The following FOXN2 variants were observed in gnomAD, a reference collection of about 807,000 sequenced individuals.
FOXN2 encodes forkhead box N2.
In FOXN2, 19 loss-of-function variants were observed where a neutral mutation model predicts 41.2. The ratio of observed to expected loss-of-function variants is 0.46; its 90% CI spans 0.32 to 0.68. FOXN2 has a LOEUF of 0.68. Ranked by LOEUF, FOXN2 falls within the 30% of genes least tolerant of loss-of-function variation. FOXN2 has a pLI of 0.03. For missense variants in FOXN2, 587 were observed against 509.4 expected, an observed-to-expected ratio of 1.15 and a Z score of -1.47; for synonymous variants, 195 against 176.8, an observed-to-expected ratio of 1.10 and a Z score of -0.82.
intron 2 of FOXN2, among the ~76,000 whole-genome samples, chr2:48,341,214 A>G (rs1280820387): frequency 6.6e-6 from 1 of 152,144 alleles, no homozygotes; most frequent in Non-Finnish European, 1.5e-5. Context: ...TTATGAAGCA[A>G]ACTGACCATG....
intron 1 of FOXN2, among the ~76,000 whole-genome samples, chr2:48,324,904 G>A (rs1228732599): frequency 6.6e-6 from 1 of 152,216 alleles, no homozygotes; most frequent in Non-Finnish European, 1.5e-5. Flanking sequence ...GAATTATGTG[G>A]AGGAGTTGTC....
chr2:48,375,193 G>GT lies in FOXN2; in HGVS notation c.1047dup (p.Glu350Ter). On this transcript the variant is annotated frameshift_variant, in exon 7 of 7. Transcript: ENST00000340553. LOFTEE classifies it high-confidence loss of function. ...AGTGATGGCAGTGAAGGATTTCACA[G>GT]TGAAGAAGATACAGACGTTGATTAT... 1 of 1,614,172 alleles carries GT rather than the reference G, an allele frequency of 6.2e-7. No individual in the cohort carries two copies. Among genetic ancestry groups the GT allele is most frequent in the Non-Finnish European group, 8.5e-7 (1 of 1,180,020 alleles).
intron 3 of FOXN2, among the ~76,000 whole-genome samples, chr2:48,347,368 C>T (rs1039298218): frequency 2.6e-5 from 4 of 151,688 alleles, no homozygotes; most frequent in African/African-American, 4.8e-5. Flanking sequence ...GCTGGGACTA[C>T]AGGTGTGTGC....
Position 48,375,013 on chromosome 2 carries a change from G to A in FOXN2, c.866G>A (p.Ser289Asn). Residue 289 changes from serine (S) to asparagine (N), a missense_variant, in exon 7 of 7, where the codon AGT (serine) becomes AAT (asparagine). Coordinates refer to ENST00000340553, the MANE Select transcript of FOXN2 (RefSeq NM_002158.4). Reference protein sequence around the residue: ...HHPSAVRLQESDSLATSIDPK... With the variant: ...HHPSAVRLQENDSLATSIDPK... ...CCCAGTGCTGTACGATTACAAGAGA[G>A]TGATTCTTTAGCCACCAGCATTGAT... The A allele has an allele frequency of 1.2e-6, 2 of 1,614,050 alleles. No individual in the cohort carries two copies. Among genetic ancestry groups the A allele is most frequent in the Non-Finnish European group, 1.7e-6 (2 of 1,179,972 alleles).
intron 3 of FOXN2, among the ~76,000 whole-genome samples, chr2:48,356,238 C>T (rs995050584): frequency 5.9e-5 from 9 of 152,176 alleles, no homozygotes; most frequent in Non-Finnish European, 1.2e-4. Flanking sequence ...GTCAGGAGTT[C>T]GAGATCAGGC....
chr2:48,328,773 C>G (rs1189975049), intron 2 of FOXN2, 71 bp downstream of exon 2: 3 of 151,424 alleles, frequency 2.0e-5, no homozygotes, highest in Non-Finnish European at 2.9e-5. Context: ...TTTTTTTCTG[C>G]TTTTAACAGT....
intron 3 of FOXN2, among the ~76,000 whole-genome samples, chr2:48,349,716 G>A (rs896471321): frequency 2.6e-5 from 4 of 152,154 alleles, no homozygotes; most frequent in African/African-American, 7.2e-5. Flanking sequence ...AGCCTAGATC[G>A]TGCCATTGCA....
intron 6 of FOXN2, among the ~76,000 whole-genome samples, chr2:48,374,520 A>G (rs566881203): frequency 3.3e-5 from 5 of 152,254 alleles, no homozygotes; most frequent in African/African-American, 1.2e-4. Flanking sequence ...CAATTTTTTC[A>G]TATCTCTTTT....
intron 2 of FOXN2, among the ~76,000 whole-genome samples, chr2:48,344,989 G>A (rs764476693): frequency 6.6e-5 from 10 of 152,136 alleles, no homozygotes; most frequent in South Asian, 4.2e-4. Flanking sequence ...TTCTTCTCTG[G>A]TCTGTTATTG....
At chr2:48,345,195 A>T (rs1282165685) in intron 2 of FOXN2, among the ~76,000 whole-genome samples, 1 of 152,170 alleles carries the variant, frequency 6.6e-6, no homozygotes, top group Non-Finnish European at 1.5e-5. Context: ...CAGAGTTTAA[A>T]AGTACTGGGA....
At chr2:48,369,177 C>G (rs1181763846) in intron 5 of FOXN2, among the ~76,000 whole-genome samples, 1 of 152,132 alleles carries the variant, frequency 6.6e-6, no homozygotes, top group East Asian at 1.9e-4. Flanking sequence ...CAGGATAAGC[C>G]TCTTACCAGT....
intron 3 of FOXN2, among the ~76,000 whole-genome samples, chr2:48,356,695 C>G (rs1362890972): frequency 6.6e-6 from 1 of 152,192 alleles, no homozygotes; most frequent in Admixed American, 6.5e-5. Flanking sequence ...GTGAGCAACT[C>G]TATTAAAATA....
At chr2:48,361,240 G>A (rs1012329554) in intron 4 of FOXN2, among the ~76,000 whole-genome samples, 46 of 152,116 alleles carry the variant, frequency 3.0e-4, no homozygotes, top group Admixed American at 3.0e-3. Flanking sequence ...GCCGAGGCCA[G>A]TGGATCACCT....
At chr2:48,334,869 C>A (rs1314536801) in intron 2 of FOXN2, among the ~76,000 whole-genome samples, 2 of 152,130 alleles carry the variant, frequency 1.3e-5, no homozygotes, top group Non-Finnish European at 2.9e-5. Flanking sequence ...GAGAAATTTT[C>A]TTCTAGAATA....
intron 4 of FOXN2, among the ~76,000 whole-genome samples, chr2:48,359,756 A>G (rs1672053310): frequency 6.6e-6 from 1 of 152,188 alleles, no homozygotes; most frequent in African/African-American, 2.4e-5. Context: ...AATACTGAGT[A>G]TAAGTAAACC....
At chr2:48,356,089 A>T (rs910907835) in intron 3 of FOXN2, among the ~76,000 whole-genome samples, 14 of 152,092 alleles carry the variant, frequency 9.2e-5, no homozygotes, top group African/African-American at 3.4e-4. Flanking sequence ...GTGCCACTGC[A>T]TTCCATCCTG....
chr2:48,338,386 A>T (rs116718148), intron 2 of FOXN2, among the ~76,000 whole-genome samples: 4,734 of 143,202 alleles, frequency 0.033, 234 homozygotes, highest in African/African-American at 0.11. Flanking sequence ...TTCTCCTAAC[A>T]GGAAGGATGC....
In FOXN2 at chr2:48,378,518, G is replaced by A. The variant is rs1402036091; in HGVS notation, c.*3075G>A. On this transcript the variant is annotated 3_prime_UTR_variant, in exon 7 of 7. Transcript: ENST00000340553. The stretch of plus-strand genomic sequence containing the variant: ...GGAATGTATATGTCTTGGTAGACCA[G>A]GAGGCCTTTGCCAGCAATTTAAGCA... The A allele has an allele frequency of 1.3e-5, 2 of 151,826 alleles. No individual in the cohort carries two copies. The highest frequency in any genetic ancestry group is 4.9e-5 in the African/African-American group (2 of 41,174). 9.4% of individuals were successfully genotyped at this position (151,826 alleles called of 1,614,324 possible). A position where few individuals can be genotyped will look rare whatever the true frequency, so the allele number is the denominator to read the frequency against.
chr2:48,346,003 C>G (rs556214159), intron 2 of FOXN2, among the ~76,000 whole-genome samples, 198 bp from the exon 3 acceptor site: 2 of 152,190 alleles, frequency 1.3e-5, no homozygotes, highest in East Asian at 3.9e-4. Context: ...TTATTTACAG[C>G]CATTTCAACT....
Sources: allele counts gnomAD v4.1 joint callset (sites outside exome capture counted in the v4.1 genomes callset), GRCh38; gene constraint gnomAD v4.1.1; transcripts MANE v1.5; gene names NCBI Gene and HGNC (gene_info 2026-07-23, HGNC 2026-07-21).